The following SLC7A14 variants were observed in gnomAD, a reference collection of about 807,000 sequenced individuals.
The protein encoded by SLC7A14 is gamma-aminobutyric acid transporter SLC7A14.
Under a neutral mutation model 60.2 loss-of-function variants are expected in SLC7A14, and 37 were observed. The ratio of observed to expected loss-of-function variants is 0.61; its 90% confidence interval spans 0.47 to 0.81. The LOEUF is 0.81. Ranked by LOEUF, SLC7A14 falls within the 30% of genes least tolerant of loss-of-function variation. The pLI, the probability that SLC7A14 is intolerant of heterozygous loss-of-function variation, is 0.00. For missense variants in SLC7A14, 886 were observed against 982.7 expected, an observed-to-expected ratio of 0.90 and a Z score of 1.32; for synonymous variants, 399 against 395.8, an observed-to-expected ratio of 1.01 and a Z score of -0.10.
chr3:170,525,122 G>T (rs190592622), intron 2 of SLC7A14, among the ~76,000 whole-genome samples: 3 of 152,338 alleles, frequency 2.0e-5, no homozygotes, highest in East Asian at 3.9e-4. Flanking sequence ...TATTCGAAGA[G>T]ACCAAGACAT....
Position 170,470,654 on chromosome 3 carries a change from G to A in SLC7A14, c.1994-3277C>T, listed in dbSNP as rs1432604232. ...GCCCTTGAGTCAATTCAGGAAAAGT[G>A]GTGTGAAACTGAGAAGGATTGGAGA... On this transcript the variant is annotated intron_variant, in intron 7 of 7. Coordinates refer to ENST00000231706, the MANE Select transcript of SLC7A14 (RefSeq NM_020949.3). 2.0e-5 allele frequency among the ~76,000 whole-genome samples: 3 copies of A among 151,860 alleles called. No individual in the cohort carries two copies. In the East Asian group the frequency reaches 5.8e-4, roughly 29 times the overall value.
rs943833771 is a variant in SLC7A14, at chr3:170,464,045, G to T, written c.*3010C>A. 6.6e-6 allele frequency: 1 copy of T among 152,046 alleles called. No homozygotes were observed. The highest frequency in any genetic ancestry group is 1.5e-5 in the Non-Finnish European group (1 of 68,002). The allele number at this position is 152,046 out of a possible 1,614,324, so 9.4% of individuals were successfully genotyped here. A position where few individuals can be genotyped will look rare whatever the true frequency, so the allele number is the denominator to read the frequency against. Reference sequence around the variant, plus strand: ...TGGCAAATTTAGTAAAGCATGTCAGGGTTCTGCATTTATGTACTAAATATA... The same window carrying T: ...TGGCAAATTTAGTAAAGCATGTCAGTGTTCTGCATTTATGTACTAAATATA... On this transcript the variant is annotated 3_prime_UTR_variant, in exon 8 of 8. Coordinates refer to ENST00000231706, the MANE Select transcript of SLC7A14 (RefSeq NM_020949.3).
intron 1 of SLC7A14, among the ~76,000 whole-genome samples, chr3:170,537,823 C>T (rs772833347): frequency 1.2e-4 from 19 of 152,158 alleles, no homozygotes; most frequent in South Asian, 4.1e-4. Context: ...CGTACTGCTC[C>T]GTATTTAAAA....
intron 1 of SLC7A14, 140 bp from the exon 2 acceptor site, chr3:170,527,228 T>G: frequency 2.1e-5 from 9 of 430,510 alleles, no homozygotes; most frequent in Non-Finnish European, 3.4e-5. Context: ...GGTTCCATGG[T>G]TCCACTCTCC....
intron 1 of SLC7A14, among the ~76,000 whole-genome samples, chr3:170,549,923 G>T (rs1560277495): frequency 6.6e-6 from 1 of 152,222 alleles, no homozygotes; most frequent in East Asian, 1.9e-4. Context: ...TCTGATGGGT[G>T]AAAGCTTTAG....
chr3:170,549,204 C>T (rs910007244), intron 1 of SLC7A14, among the ~76,000 whole-genome samples: 1 of 146,592 alleles, frequency 6.8e-6, no homozygotes, highest in Non-Finnish European at 1.5e-5. Flanking sequence ...ACTGGGACAC[C>T]GGCCTTCTTC....
At position 170,532,563 on chromosome 3, in the gene SLC7A14, A is replaced by C. The variant is rs1713709525; in HGVS notation, c.-152-5475T>G. On this transcript the variant is annotated intron_variant, in intron 1 of 7. Coordinates refer to ENST00000231706, the MANE Select transcript of SLC7A14 (RefSeq NM_020949.3). This position sits in a 1 kb window ranked among gnomAD's most constrained non-coding sequence, Gnocchi z 4.0. ...GTACCTAGCTCACAGGGTTGTGGTG[A>C]GGAGTGGAAGAGCTAATACGTGTAG... Among the ~76,000 whole-genome samples, 1 of 152,216 alleles carries C rather than the reference A, an allele frequency of 6.6e-6. No individual in the cohort carries two copies. The highest frequency in any genetic ancestry group is 1.5e-5 in the Non-Finnish European group (1 of 68,034).
chr3:170,472,742 G>A (rs1392437832), intron 7 of SLC7A14, among the ~76,000 whole-genome samples: 2 of 151,580 alleles, frequency 1.3e-5, no homozygotes, highest in Non-Finnish European at 2.9e-5. Context: ...ACTCCAGCCT[G>A]GGTGACAGAG....
intron 7 of SLC7A14, among the ~76,000 whole-genome samples, chr3:170,472,338 C>T (rs1024359326): frequency 7.4e-5 from 11 of 149,120 alleles, no homozygotes; most frequent in African/African-American, 2.7e-4. Flanking sequence ...CATTGCACTC[C>T]AGCCTGGGCG....
chr3:170,551,574 T>G (rs993809866), intron 1 of SLC7A14, among the ~76,000 whole-genome samples: 1 of 152,220 alleles, frequency 6.6e-6, no homozygotes, highest in Non-Finnish European at 1.5e-5. Context: ...ATTGTTAATC[T>G]TTTTAAAATT....
chr3:170,496,697 G>A, intron 4 of SLC7A14: 1 of 944,378 alleles, frequency 1.1e-6, no homozygotes. Context: ...TATGCAGGTG[G>A]TCTGAGTTCC....
chr3:170,483,549 G>T (rs749864526), intron 5 of SLC7A14, 27 bp from the exon 6 acceptor site: 1 of 1,612,814 alleles, frequency 6.2e-7, no homozygotes, highest in East Asian at 2.2e-5. Context: ...AGACAGGGCT[G>T]GAGGTACAGG....
chr3:170,479,426 C>T (rs1250721029), intron 7 of SLC7A14, among the ~76,000 whole-genome samples: 1 of 152,192 alleles, frequency 6.6e-6, no homozygotes, highest in Non-Finnish European at 1.5e-5. Context: ...ACCTCATGAA[C>T]ATCAGAGATT....
chr3:170,470,338 G>GTGTGTGTGTGTGTGTGTGTC (rs1398859977), intron 7 of SLC7A14, among the ~76,000 whole-genome samples: 1 of 149,938 alleles, frequency 6.7e-6, no homozygotes, highest in Non-Finnish European at 1.5e-5. Context: ...GTGTGTGTGT[G>GTGTGTGTGTGTGTGTGTGTC]TATGTGTGTG....
intron 1 of SLC7A14, among the ~76,000 whole-genome samples, chr3:170,545,976 C>G (rs1577552243): frequency 6.6e-6 from 1 of 152,326 alleles, no homozygotes; most frequent in East Asian, 1.9e-4. Flanking sequence ...TAGGACTTAT[C>G]TGAGCAGGAA....
chr3:170,521,036 A>C (rs1314653157), intron 2 of SLC7A14, among the ~76,000 whole-genome samples: 1 of 152,206 alleles, frequency 6.6e-6, no homozygotes, highest in African/African-American at 2.4e-5. Context: ...CAATATACAA[A>C]AGGGCTTTTA....
chr3:170,514,486 T>C (rs1713088848), intron 2 of SLC7A14, among the ~76,000 whole-genome samples: 1 of 152,258 alleles, frequency 6.6e-6, no homozygotes, highest in African/African-American at 2.4e-5. Flanking sequence ...ATACCTTGTT[T>C]ATTTTCCTTT....
chr3:170,572,766 C>CTACTCATT (rs1327096932), intron 1 of SLC7A14, among the ~76,000 whole-genome samples: 3 of 152,182 alleles, frequency 2.0e-5, no homozygotes, highest in African/African-American at 7.2e-5. Context: ...ACGACAGTCT[C>CTACTCATT]TACTCATTCA....
intron 7 of SLC7A14, among the ~76,000 whole-genome samples, chr3:170,478,501 C>T (rs897280238): frequency 3.3e-5 from 5 of 152,132 alleles, no homozygotes; most frequent in Admixed American, 3.3e-4. Flanking sequence ...GGACAAAATG[C>T]TTACAGGAAG....
Sources: gnomAD v4.1 joint callset for allele counts (sites outside exome capture counted in the v4.1 genomes callset) on GRCh38, gnomAD v4.1.1 for gene constraint, Gnocchi (gnomAD v3.1) non-coding constraint, MANE v1.5 for transcripts, NCBI Gene and HGNC (gene_info 2026-07-23, HGNC 2026-07-21) for gene names.